Variants in TMEM178B observed in about 807,000 individuals in gnomAD.
TMEM178B encodes transmembrane protein 178B.
TMEM178B carries 5 observed loss-of-function variants against 31.0 expected under a neutral mutation model. The observed-to-expected ratio is 0.16, with a 90% CI of 0.08 to 0.34. The LOEUF (loss-of-function observed/expected upper bound fraction) is 0.34. TMEM178B is among the 10% of genes least tolerant of loss of function. TMEM178B has a pLI of 1.00. For missense variants in TMEM178B, 275 were observed against 400.3 expected (o/e 0.69, Z 2.67); for synonymous variants, 164 against 164.0 (o/e 1.00, Z 0.00).
chr7:141,078,834 G>A (rs191052802), intron 1 of TMEM178B, among the ~76,000 whole-genome samples: 829 of 149,964 alleles, frequency 5.5e-3, no homozygotes, highest in Admixed American at 0.011. Context: ...TTGGCCTTGT[G>A]AGTGTTGATT....
At chr7:141,379,769 C>T (rs1375793410) in intron 2 of TMEM178B, among the ~76,000 whole-genome samples, 2 of 152,104 alleles carry the variant, frequency 1.3e-5, no homozygotes, top group East Asian at 1.9e-4. Flanking sequence ...CTCTCTCATC[C>T]ACCTTCCTTC....
Position 141,475,049 on chromosome 7 carries a change from TCAGGGGACTTACCCATCC to T in TMEM178B, c.*4272_*4289del, listed in dbSNP as rs1473357088. ...GCTTTTCTGAAAATGTTCCCTGTCT[TCAGGGGACTTACCCATCC>T]CAGGGGACACATCCATCCCAGGGGA... On this transcript the variant is annotated 3_prime_UTR_variant, in exon 4 of 4. Transcript: ENST00000565468. 1 of 152,272 alleles carries T rather than the reference TCAGGGGACTTACCCATCC, an allele frequency of 6.6e-6. No homozygotes were observed. The highest frequency in any genetic ancestry group is 2.4e-5 in the African/African-American group (1 of 41,472). 9.4% of individuals were successfully genotyped at this position (152,272 alleles called of 1,614,324 possible). A position where few individuals can be genotyped will look rare whatever the true frequency, so the allele number is the denominator to read the frequency against.
rs563069032 is a variant in TMEM178B, at chr7:141,219,161, C to G, written c.496+6457C>G. Among the ~76,000 whole-genome samples, 61 of 152,296 alleles carry G rather than the reference C, an allele frequency of 4.0e-4. No homozygotes were observed. The South Asian group carries it at 0.012, about 30-fold the overall frequency. On this transcript the variant is annotated intron_variant, in intron 2 of 3. Coordinates refer to ENST00000565468, the MANE Select transcript of TMEM178B (RefSeq NM_001195278.2). ...CTCCCGTGTTGTTGTGGCTCCTTTG[C>G]AGATGAGGTAACCGAGCCAGTGGGA... is the stretch of plus-strand genomic sequence containing the variant.
chr7:141,101,297 T>A (rs1795053322), intron 1 of TMEM178B, among the ~76,000 whole-genome samples: 1 of 152,252 alleles, frequency 6.6e-6, no homozygotes. Context: ...ATAAAATGTT[T>A]CATGCAGTCT....
intron 2 of TMEM178B, among the ~76,000 whole-genome samples, chr7:141,340,066 A>G (rs186679326): frequency 6.6e-6 from 1 of 152,376 alleles, no homozygotes; most frequent in Admixed American, 6.5e-5. Flanking sequence ...GTTATCTTAC[A>G]TGGAAAAGAG....
chr7:141,325,438 T>C (rs1329004047), intron 2 of TMEM178B, among the ~76,000 whole-genome samples: 1 of 152,112 alleles, frequency 6.6e-6, no homozygotes, highest in African/African-American at 2.4e-5. Flanking sequence ...AACAAGGGTA[T>C]CCCCAGGATA....
chr7:141,192,412 A>G (rs1796711195), intron 1 of TMEM178B, among the ~76,000 whole-genome samples: 1 of 151,922 alleles, frequency 6.6e-6, no homozygotes, highest in Non-Finnish European at 1.5e-5. Context: ...ACCAAGGCAG[A>G]TGTTCCAGGA....
intron 2 of TMEM178B, among the ~76,000 whole-genome samples, chr7:141,336,058 A>G (rs1343733967): frequency 1.3e-5 from 2 of 152,194 alleles, no homozygotes; most frequent in Non-Finnish European, 2.9e-5. Flanking sequence ...AGTCTTTTCA[A>G]CTGAGAAAGA....
intron 1 of TMEM178B, among the ~76,000 whole-genome samples, chr7:141,131,028 T>C (rs1795586336): frequency 6.6e-6 from 1 of 152,210 alleles, no homozygotes; most frequent in South Asian, 2.1e-4. Flanking sequence ...AGGGTTGAAT[T>C]CCCAGGCACT....
chr7:141,136,103 C>G (rs903053653), intron 1 of TMEM178B, among the ~76,000 whole-genome samples: 1 of 152,138 alleles, frequency 6.6e-6, no homozygotes, highest in African/African-American at 2.4e-5. Context: ...AAGCTGGAGG[C>G]TTCATAGTAC....
intron 2 of TMEM178B, among the ~76,000 whole-genome samples, chr7:141,239,180 G>A (rs994677044): frequency 2.6e-5 from 4 of 152,170 alleles, no homozygotes; most frequent in Non-Finnish European, 5.9e-5. Flanking sequence ...ACATGCATGC[G>A]TGCATATACA....
At chr7:141,456,548 G>A (rs1563187546) in intron 3 of TMEM178B, among the ~76,000 whole-genome samples, 1 of 152,182 alleles carries the variant, frequency 6.6e-6, no homozygotes, top group Non-Finnish European at 1.5e-5. Flanking sequence ...GCCAGCCCTG[G>A]GGGAGTGATG....
At chr7:141,410,364 T>C (rs532411945) in intron 2 of TMEM178B, among the ~76,000 whole-genome samples, 1 of 152,320 alleles carries the variant, frequency 6.6e-6, no homozygotes, top group Admixed American at 6.5e-5. Flanking sequence ...CCTTTTGTTA[T>C]CACTTTGGCT....
At chr7:141,436,704 A>T (rs1168818376) in intron 2 of TMEM178B, among the ~76,000 whole-genome samples, 2 of 151,908 alleles carry the variant, frequency 1.3e-5, no homozygotes, top group Non-Finnish European at 2.9e-5. Flanking sequence ...CTCTGCGTGC[A>T]GGAGGGCAGG....
At chr7:141,284,766 G>A (rs1798417055) in intron 2 of TMEM178B, among the ~76,000 whole-genome samples, 1 of 152,196 alleles carries the variant, frequency 6.6e-6, no homozygotes, top group African/African-American at 2.4e-5. Context: ...AACCCAGTCT[G>A]AAGGGTGAAT....
intron 2 of TMEM178B, among the ~76,000 whole-genome samples, chr7:141,351,352 C>T (rs1799717974): frequency 6.6e-6 from 1 of 152,252 alleles, no homozygotes; most frequent in Non-Finnish European, 1.5e-5. Flanking sequence ...TGGCTGAGGG[C>T]AGGCTGGCCT....
intron 1 of TMEM178B, among the ~76,000 whole-genome samples, chr7:141,155,607 T>C (rs775788965): frequency 6.6e-6 from 1 of 152,208 alleles, no homozygotes; most frequent in Non-Finnish European, 1.5e-5. Flanking sequence ...AAGGGGTATG[T>C]GTGCTCAGCC....
chr7:141,231,336 C>T (rs554740265), intron 2 of TMEM178B, among the ~76,000 whole-genome samples: 3 of 151,068 alleles, frequency 2.0e-5, no homozygotes, highest in African/African-American at 7.3e-5. Flanking sequence ...CACGACAAGG[C>T]TGCCAAGGAA....
At chr7:141,128,898 T>C (rs1795550097) in intron 1 of TMEM178B, among the ~76,000 whole-genome samples, 1 of 152,088 alleles carries the variant, frequency 6.6e-6, no homozygotes, top group South Asian at 2.1e-4. Context: ...CCTAGAAATG[T>C]CAATTGTAAT....
Sources: gnomAD v4.1 joint callset for allele counts (sites outside exome capture counted in the v4.1 genomes callset) on GRCh38, gnomAD v4.1.1 for gene constraint, MANE v1.5 for transcripts, NCBI Gene and HGNC (gene_info 2026-07-23, HGNC 2026-07-21) for gene names.